NIN: variants seen among roughly 807,000 people sequenced by gnomAD.
NIN encodes the protein glycogen synthase kinase 3 beta-interacting protein.
In NIN, 137 loss-of-function variants were observed where a neutral mutation model predicts 257.6. That is an observed-to-expected ratio of 0.53 (90% CI 0.46 to 0.61). NIN has a LOEUF of 0.61. Ranked by LOEUF, NIN falls within the 20% of genes least tolerant of loss-of-function variation. The pLI is 0.00. For synonymous variants in NIN, 918 were observed against 919.8 expected (o/e 1.00, Z 0.04); for missense variants, 2,439 against 2,501.2 (o/e 0.98, Z 0.53).
chr14:50,745,260 T>A (rs2041485405), intron 22 of NIN, among the ~76,000 whole-genome samples: 1 of 152,104 alleles, frequency 6.6e-6, no homozygotes, highest in African/African-American at 2.4e-5. Flanking sequence ...GTCTCTGGCT[T>A]TACTCAAAAG....
intron 28 of NIN, among the ~76,000 whole-genome samples, chr14:50,734,117 T>C (rs1446866538): frequency 6.7e-6 from 1 of 150,068 alleles, no homozygotes; most frequent in Non-Finnish European, 1.5e-5. Flanking sequence ...TGAGATGGAG[T>C]CCGGCATTGT....
At chr14:50,779,709 G>T (rs1055909453) in intron 5 of NIN, among the ~76,000 whole-genome samples, 23 of 151,320 alleles carry the variant, frequency 1.5e-4, no homozygotes, top group African/African-American at 5.6e-4. Context: ...AGTAAGCCGA[G>T]ATCGCGCCAC....
chr14:50,791,812 C>CACAAACACAA (rs1555388925), intron 5 of NIN, among the ~76,000 whole-genome samples: 7 of 150,774 alleles, frequency 4.6e-5, no homozygotes, highest in Middle Eastern at 3.4e-3. Context: ...CACGCGCACA[C>CACAAACACAA]ACACACACAC....
intron 4 of NIN, 94 bp downstream of exon 4, chr14:50,806,643 C>T (rs1388021781): frequency 4.6e-6 from 3 of 655,282 alleles, no homozygotes; most frequent in South Asian, 4.0e-5. Flanking sequence ...AGGCAGATGT[C>T]CCCAATCCTT....
chr14:50,758,666 C>G, intron 17 of NIN, 36 bp from the exon 18 acceptor site: 1 of 1,513,160 alleles, frequency 6.6e-7, no homozygotes, highest in Non-Finnish European at 8.8e-7. Flanking sequence ...ATTGAAACTG[C>G]CGCCAACTCC....
chr14:50,806,174 G>A (rs1459519316), intron 4 of NIN: 1 of 152,152 alleles, frequency 6.6e-6, no homozygotes, highest in Non-Finnish European at 1.5e-5. Context: ...ATAATATTAA[G>A]TCTTTTATTT....
At position 50,773,093 on chromosome 14, in the gene NIN, C is replaced by A; in HGVS notation, c.669G>T (p.Met223Ile). The change falls in exon 8 of 31, where the codon ATG becomes ATT. Residue 223 changes from methionine to isoleucine, a missense_variant and splice_region_variant. Physicochemically the swap from Met to Ile is conservative, Grantham distance 10 (BLOSUM62 1). Around this residue, in one of 3 missense-constraint regions of NIN, gnomAD observed 387 missense variants for 427.3 expected, o/e 0.91. Transcript: ENST00000530997. Reference protein sequence around the residue: ...QYGLQNVDGEMLEEVFHNLDP... With the variant: ...QYGLQNVDGEILEEVFHNLDP... ...CAAGATTATGGAATACTTCCTCGAGCATCTAGAAAAGAGTCATCACATATT... is the reference window on the plus strand; with the variant it reads ...CAAGATTATGGAATACTTCCTCGAGAATCTAGAAAAGAGTCATCACATATT... 1 of 1,609,904 alleles carries A rather than the reference C, an allele frequency of 6.2e-7. No homozygotes were observed. Among genetic ancestry groups the A allele is most frequent in the Non-Finnish European group, 8.5e-7 (1 of 1,177,918 alleles).
intron 5 of NIN, among the ~76,000 whole-genome samples, chr14:50,785,679 T>C (rs1483234612): frequency 1.3e-5 from 2 of 152,218 alleles, no homozygotes; most frequent in Non-Finnish European, 2.9e-5. Flanking sequence ...AAAGAAACTT[T>C]AAGACTTTTA....
intron 18 of NIN, among the ~76,000 whole-genome samples, chr14:50,756,187 T>G (rs1366811164): frequency 6.6e-6 from 1 of 150,496 alleles, no homozygotes; most frequent in Non-Finnish European, 1.5e-5. Context: ...TCCATCTAAA[T>G]GAAATAAGTG....
chr14:50,778,873 A>C, intron 5 of NIN, 69 bp from the exon 6 acceptor site: 5 of 1,498,078 alleles, frequency 3.3e-6, no homozygotes, highest in Non-Finnish European at 4.7e-6. Flanking sequence ...AGCTTTTCCT[A>C]GAGCAGATCA....
At position 50,756,896 on chromosome 14, in the gene NIN, C is replaced by T. The variant is rs2042050804; in HGVS notation, c.4134G>A (p.Arg1378=). ...ATTCCTCTATGACATGATGTACACT[C>T]CTAACCCTGGGCACACACTCTTCCA... ...QTLEECVPRV[R]SVHHVIEECK... Residue 1378 remains arginine (R), a synonymous_variant, in exon 18 of 31, where the codon AGG becomes AGA. Transcript: ENST00000530997. The T allele has an allele frequency of 6.4e-7, 1 of 1,556,016 alleles. No individual in the cohort carries two copies. Among genetic ancestry groups the T allele is most frequent in the South Asian group, 1.2e-5 (1 of 85,122 alleles).
At chr14:50,763,182 A>G (rs1269620172) in intron 15 of NIN, among the ~76,000 whole-genome samples, 2 of 152,164 alleles carry the variant, frequency 1.3e-5, no homozygotes, top group Non-Finnish European at 2.9e-5. Flanking sequence ...ATAACTGATT[A>G]TGAGCTGTCT....
intron 29 of NIN, among the ~76,000 whole-genome samples, chr14:50,728,199 C>T (rs927346233): frequency 4.6e-5 from 7 of 151,936 alleles, no homozygotes; most frequent in South Asian, 4.1e-4. Flanking sequence ...AGAATCTTGG[C>T]GGATCATTTG....
rs1305346859 is a variant in NIN at position 50,741,564 on chromosome 14, A to T, written c.5448+18T>A. The T allele has an allele frequency of 4.4e-6, 7 of 1,608,768 alleles. No homozygotes were observed. In the African/African-American group the frequency reaches 6.7e-5, roughly 15 times the overall value. Reference sequence around the variant, plus strand: ...TACTGTAAATAACTTATACCTAAATAAAAAAAGAACAAATCACCTTGCCAC... The same window carrying T: ...TACTGTAAATAACTTATACCTAAATTAAAAAAGAACAAATCACCTTGCCAC... On this transcript the variant is annotated intron_variant, in intron 25 of 30. Coordinates refer to ENST00000530997, the MANE Select transcript of NIN (RefSeq NM_020921.4).
chr14:50,782,359 A>G (rs944769093), intron 5 of NIN, among the ~76,000 whole-genome samples: 1 of 152,214 alleles, frequency 6.6e-6, no homozygotes. Context: ...TTGCAACAAG[A>G]AAGTATTGAA....
intron 28 of NIN, among the ~76,000 whole-genome samples, chr14:50,733,065 A>T (rs903428678): frequency 6.6e-6 from 1 of 151,284 alleles, no homozygotes; most frequent in African/African-American, 2.4e-5. Flanking sequence ...CTCAAAAAAA[A>T]TATCCAATTT....
chr14:50,803,288 G>C (rs370551911), intron 4 of NIN, among the ~76,000 whole-genome samples: 3 of 152,156 alleles, frequency 2.0e-5, no homozygotes, highest in Non-Finnish European at 4.4e-5. Flanking sequence ...GGGAGGCGGA[G>C]GTTGCAGTGA....
intron 4 of NIN, among the ~76,000 whole-genome samples, chr14:50,803,849 C>T (rs12100750): frequency 0.018 from 2,780 of 152,076 alleles, 91 homozygotes; most frequent in African/African-American, 0.063. Flanking sequence ...CTCTGCCCAG[C>T]CAAACCAGTC....
At position 50,729,661 on chromosome 14, in the gene NIN, C is replaced by G; in HGVS notation, c.5940G>C (p.Leu1980=). The part of the protein sequence containing the change: ...SPSPHAWDLQ[L]LQQQACPMVP... ...CCATCGGACAGGCTTGCTGCTGGAG[C>G]AGCTGCAAATCCCAAGCATGAGGGG... Residue 1980 remains leucine, a synonymous_variant, in exon 29 of 31, where the codon CTG becomes CTC. Transcript: ENST00000530997. The G allele has an allele frequency of 6.2e-7, 1 of 1,613,734 alleles. No homozygotes were observed. The highest frequency in any genetic ancestry group is 8.5e-7 in the Non-Finnish European group (1 of 1,179,902).
Sources: gnomAD v4.1 joint callset for allele counts (sites outside exome capture counted in the v4.1 genomes callset) on GRCh38, gnomAD v4.1.1 for gene constraint, gnomAD v4.1.1 regional missense constraint, MANE v1.5 for transcripts, NCBI Gene and HGNC (gene_info 2026-07-23, HGNC 2026-07-21) for gene names.